ZSCAN25: variants seen among roughly 807,000 people sequenced by gnomAD.
The protein encoded by ZSCAN25 is zinc finger and SCAN domain containing 25, also known as zinc finger and SCAN domain-containing protein 25.
In ZSCAN25, 27 loss-of-function variants were observed where a neutral mutation model predicts 38.7. That is an observed-to-expected ratio of 0.70 (90% CI 0.51 to 0.96). The LOEUF is 0.96. ZSCAN25 is among the 40% of genes least tolerant of loss of function. The probability of loss-of-function intolerance (pLI) is 0.00; values close to 1 mark genes in which losing one functional copy is unlikely to be tolerated. For missense variants in ZSCAN25, 637 were observed against 705.9 expected, an observed-to-expected ratio of 0.90 and a Z score of 1.11; for synonymous variants, 273 against 277.7, an observed-to-expected ratio of 0.98 and a Z score of 0.17.
chr7:99,626,890 C>T (rs1807515127), intron 7 of ZSCAN25, among the ~76,000 whole-genome samples: 1 of 152,194 alleles, frequency 6.6e-6, no homozygotes, highest in African/African-American at 2.4e-5. Context: ...GCAGCCAGTG[C>T]AGCACTCAAA....
chr7:99,670,607 C>T, the ZSCAN25 span, among the ~76,000 whole-genome samples: 25 of 152,286 alleles, frequency 1.6e-4, no homozygotes, highest in Non-Finnish European at 3.2e-4. Context: ...ATCTGATGTT[C>T]AACTTATAGA....
chr7:99,684,198 CT>C, the ZSCAN25 span, among the ~76,000 whole-genome samples: 1 of 136,988 alleles, frequency 7.3e-6, no homozygotes, highest in Non-Finnish European at 1.5e-5. Context: ...GAGATGGAAT[CT>C]CACTCTGTCA....
chr7:99,677,107 C>T, the ZSCAN25 span: 1 of 891,634 alleles, frequency 1.1e-6, no homozygotes, highest in African/African-American at 1.8e-5. Context: ...AGGAAAAACC[C>T]ATTAAGCCTG....
At chr7:99,671,715 G>A in the ZSCAN25 span, 2 of 655,690 alleles carry the variant, frequency 3.1e-6, no homozygotes, top group Non-Finnish European at 5.5e-6. Context: ...TCCATAAAAG[G>A]AAATATTAAT....
At chr7:99,730,147 A>G in the ZSCAN25 span, among the ~76,000 whole-genome samples, 1 of 152,196 alleles carries the variant, frequency 6.6e-6, no homozygotes, top group Admixed American at 6.5e-5. Flanking sequence ...CCCTGAACAC[A>G]GCATCAGATA....
chr7:99,660,217 T>TTC, the ZSCAN25 span: 1 of 747,198 alleles, frequency 1.3e-6, no homozygotes, highest in Non-Finnish European at 1.6e-6. Context: ...CACACTCCTT[T>TTC]TTTTTTTTTT....
At chr7:99,657,058 G>C in the ZSCAN25 span, among the ~76,000 whole-genome samples, 1 of 151,966 alleles carries the variant, frequency 6.6e-6, no homozygotes, top group Non-Finnish European at 1.5e-5. Flanking sequence ...TTTTTTTGAA[G>C]GGTTTTTTTG....
the ZSCAN25 span, among the ~76,000 whole-genome samples, chr7:99,708,308 G>T: frequency 6.6e-6 from 1 of 152,194 alleles, no homozygotes; most frequent in Non-Finnish European, 1.5e-5. Context: ...ATGACTGACA[G>T]AAAAGTAGAT....
the ZSCAN25 span, chr7:99,666,935 T>TC: frequency 6.2e-7 from 1 of 1,610,400 alleles, no homozygotes; most frequent in Non-Finnish European, 8.5e-7. Flanking sequence ...TAATTAAGAC[T>TC]CATCTTATTT....
At chr7:99,660,739 C>G in the ZSCAN25 span, 4 of 1,516,002 alleles carry the variant, frequency 2.6e-6, no homozygotes, top group Non-Finnish European at 3.6e-6. Flanking sequence ...AAGTGAAGCT[C>G]TCTAATCCCA....
the ZSCAN25 span, among the ~76,000 whole-genome samples, chr7:99,691,302 G>T: frequency 2.8e-3 from 423 of 152,142 alleles, 2 homozygotes; most frequent in African/African-American, 9.7e-3. Flanking sequence ...GTGGGGTAGG[G>T]GGAGGGGGTA....
chr7:99,691,508 TC>T, the ZSCAN25 span, among the ~76,000 whole-genome samples: 1 of 152,100 alleles, frequency 6.6e-6, no homozygotes, highest in African/African-American at 2.4e-5. Flanking sequence ...TTAAAGCCTC[TC>T]ATTATTATTG....
chr7:99,721,424 A>G, the ZSCAN25 span, among the ~76,000 whole-genome samples: 1 of 152,220 alleles, frequency 6.6e-6, no homozygotes, highest in Non-Finnish European at 1.5e-5. Context: ...TTTTAATTGA[A>G]AGTGAATCGA....
the ZSCAN25 span, among the ~76,000 whole-genome samples, chr7:99,718,994 A>T: frequency 6.6e-6 from 1 of 152,246 alleles, no homozygotes; most frequent in Admixed American, 6.5e-5. Context: ...GCTAAAAGCA[A>T]TCAGAGAAAA....
the ZSCAN25 span, among the ~76,000 whole-genome samples, chr7:99,718,025 C>T: frequency 6.6e-6 from 1 of 151,084 alleles, no homozygotes; most frequent in Non-Finnish European, 1.5e-5. Context: ...CCATGGGCAA[C>T]ATGAAAAAGA....
the ZSCAN25 span, among the ~76,000 whole-genome samples, chr7:99,687,838 C>T: frequency 6.6e-6 from 1 of 152,200 alleles, no homozygotes; most frequent in Non-Finnish European, 1.5e-5. Context: ...AGAAACTCTA[C>T]AAGGCAGAAG....
the ZSCAN25 span, chr7:99,648,407 T>C: frequency 5.0e-6 from 8 of 1,601,868 alleles, no homozygotes; most frequent in Non-Finnish European, 6.8e-6. Flanking sequence ...GGATCTACAA[T>C]AGTTAAACAA....
the ZSCAN25 span, among the ~76,000 whole-genome samples, chr7:99,639,876 G>C: frequency 6.6e-6 from 1 of 151,702 alleles, no homozygotes; most frequent in Admixed American, 6.6e-5. Flanking sequence ...GACCAGCCTG[G>C]GCAACATAAT....
At chr7:99,632,999 T>TTTTTTTTTTTTG (rs1243598154), downstream of ZSCAN25, among the ~76,000 whole-genome samples, 1 of 150,884 alleles carries the variant, frequency 6.6e-6, no homozygotes, top group East Asian at 2.0e-4. Context: ...GTTTTTTTTT[T>TTTTTTTTTTTTG]TTTTGAGCTG....
Sources: gnomAD v4.1 joint callset for allele counts (sites outside exome capture counted in the v4.1 genomes callset) on GRCh38, gnomAD v4.1.1 for gene constraint, MANE v1.5 for transcripts, NCBI Gene and HGNC (gene_info 2026-07-23, HGNC 2026-07-21) for gene names.